The following CYP19A1 variants were observed in gnomAD, a reference collection of about 807,000 sequenced individuals.
CYP19A1 encodes the protein aromatase.
Under a neutral mutation model 44.4 loss-of-function variants are expected in CYP19A1, and 32 were observed. That is an observed-to-expected ratio of 0.72 (90% confidence interval 0.54 to 0.97). The LOEUF is 0.97. CYP19A1 is among the 50% of genes least tolerant of loss of function. The pLI, the probability that CYP19A1 is intolerant of heterozygous loss-of-function variation, is 0.00. For synonymous variants in CYP19A1, 212 were observed against 215.6 expected (o/e 0.98, Z 0.14); for missense variants, 598 against 637.8 (o/e 0.94, Z 0.67).
chr15:51,294,496 G>A (rs1291263155), intron 1 of CYP19A1, among the ~76,000 whole-genome samples: 101 of 150,498 alleles, frequency 6.7e-4, no homozygotes, highest in Non-Finnish European at 1.2e-3. Context: ...CGTCTGAGAA[G>A]TGAGGAGCCC....
At chr15:51,283,558 G>T (rs1489435607) in intron 1 of CYP19A1, among the ~76,000 whole-genome samples, 1 of 152,184 alleles carries the variant, frequency 6.6e-6, no homozygotes. Flanking sequence ...TCAGGCTATG[G>T]CTGGATTAAG....
At chr15:51,325,283 C>T (rs1335524377) in intron 1 of CYP19A1, among the ~76,000 whole-genome samples, 1 of 152,132 alleles carries the variant, frequency 6.6e-6, no homozygotes, top group Non-Finnish European at 1.5e-5. Context: ...GACAGATGTC[C>T]TGTGGGTGTT....
chr15:51,291,885 A>C (rs1029535303), intron 1 of CYP19A1, among the ~76,000 whole-genome samples: 12 of 152,344 alleles, frequency 7.9e-5, no homozygotes, highest in African/African-American at 2.6e-4. Context: ...ATTTCACTGG[A>C]GTCCAAGGAA....
chr15:51,259,440 C>T (rs192375751), intron 1 of CYP19A1, among the ~76,000 whole-genome samples: 8 of 152,268 alleles, frequency 5.3e-5, no homozygotes, highest in Admixed American at 3.3e-4. Flanking sequence ...GGGAGTGAAT[C>T]GGACACTGCA....
chr15:51,311,787 C>T (rs182217715), intron 1 of CYP19A1, among the ~76,000 whole-genome samples: 6 of 152,314 alleles, frequency 3.9e-5, no homozygotes, highest in African/African-American at 1.4e-4. Context: ...AGTCAGACCT[C>T]TGGGGATTTT....
chr15:51,261,987 C>T lies in CYP19A1; in HGVS notation c.-38-19037G>A, dbSNP rs369748039. ...GCCCCCAAATCTGGCCATAAACTGG[C>T]CCCAAAACTGGCCATAAACAAAATC... is the stretch of plus-strand genomic sequence containing the variant. On this transcript the variant is annotated intron_variant, in intron 1 of 9. Transcript: ENST00000396402. Among the ~76,000 whole-genome samples the T allele has an allele frequency of 2.5e-4, 38 of 152,296 alleles. 1 individual carries two copies. The South Asian group carries it at 7.7e-3, about 31-fold the overall frequency.
At chr15:51,231,138 C>T (rs2032997217) in intron 3 of CYP19A1, among the ~76,000 whole-genome samples, 1 of 152,210 alleles carries the variant, frequency 6.6e-6, no homozygotes. Context: ...ACCTGTTACT[C>T]ATCTTCTGAT....
At position 51,210,175 on chromosome 15, in the gene CYP19A1, GACT is replaced by G. The variant is rs763166409; in HGVS notation, c.*630_*632del. ...CAAGTGGCTGAGGCATAAATCGACA[GACT>G]GGGAAAGAATTTCCTCTGATTAAAC... On this transcript the variant is annotated 3_prime_UTR_variant, in exon 10 of 10. Coordinates refer to ENST00000396402, the MANE Select transcript of CYP19A1 (RefSeq NM_000103.4). 4 of 359,348 alleles carry G rather than the reference GACT, an allele frequency of 1.1e-5. No individual in the cohort carries two copies. The highest frequency in any genetic ancestry group is 2.2e-5 in the Non-Finnish European group (4 of 183,154). The allele number at this position is 359,348 out of a possible 1,614,324, so 22.3% of individuals were successfully genotyped here.
chr15:51,321,049 C>A (rs1179927597), intron 1 of CYP19A1: 2 of 152,328 alleles, frequency 1.3e-5, no homozygotes, highest in Non-Finnish European at 2.9e-5. Context: ...GGTGGGTTCT[C>A]TCCACCCTGT....
chr15:51,321,680 C>T (rs755383079), intron 1 of CYP19A1: 2 of 152,328 alleles, frequency 1.3e-5, no homozygotes, highest in Admixed American at 1.3e-4. Flanking sequence ...TCAAACATTT[C>T]CATTGCTACA....
chr15:51,242,099 C>T (rs28591277), intron 2 of CYP19A1: 2,534 of 153,966 alleles, frequency 0.016, 97 homozygotes, highest in African/African-American at 0.059. Context: ...TTGGGATTAT[C>T]TGAATAATTA....
chr15:51,214,963 C>T lies in CYP19A1; in HGVS notation c.1021+107G>A, dbSNP rs534823738. The stretch of plus-strand genomic sequence containing the variant: ...GAATGTCTTGCTTTATTGTTTGGAG[C>T]AAATTATAAAAAATTTCATGTTTGA... On this transcript the variant is annotated intron_variant, in intron 8 of 9. Coordinates refer to ENST00000396402, the MANE Select transcript of CYP19A1 (RefSeq NM_000103.4). The T allele has an allele frequency of 2.9e-5, 44 of 1,507,756 alleles. No individual in the cohort carries two copies. The Admixed American group carries it at 9.3e-4, about 32-fold the overall frequency. The allele number at this position is 1,507,756 out of a possible 1,614,324, so 93.4% of individuals were successfully genotyped here. A position where few individuals can be genotyped will look rare whatever the true frequency, so the allele number is the denominator to read the frequency against.
At chr15:51,261,023 G>A (rs112158795) in intron 1 of CYP19A1, among the ~76,000 whole-genome samples, 18 of 152,108 alleles carry the variant, frequency 1.2e-4, no homozygotes, top group African/African-American at 2.2e-4. Flanking sequence ...CCACCTCTCC[G>A]GATCCAGCAG....
chr15:51,273,293 G>A (rs1304995583), intron 1 of CYP19A1, among the ~76,000 whole-genome samples: 1 of 152,104 alleles, frequency 6.6e-6, no homozygotes, highest in Non-Finnish European at 1.5e-5. Flanking sequence ...ATGATCAATA[G>A]GCAGAATAGT....
chr15:51,305,698 C>G (rs938906797), intron 1 of CYP19A1, among the ~76,000 whole-genome samples: 1 of 152,066 alleles, frequency 6.6e-6, no homozygotes, highest in Non-Finnish European at 1.5e-5. Context: ...GTAGCTGGAA[C>G]TACAGGCATG....
In CYP19A1 at chr15:51,215,183, A is replaced by G; in HGVS notation, c.908T>C (p.Met303Thr). ...RENVNQCILEMLIAAPDTMSV... is the reference protein window; with the variant it reads ...RENVNQCILETLIAAPDTMSV... ...CATGGTGTCAGGAGCTGCGATCAGC[A>G]TTTCCAATATGCACTGGTTCACATT... Residue 303 changes from methionine to threonine, a missense_variant, in exon 8 of 10, where the codon ATG becomes ACG. Transcript: ENST00000396402. The G allele has an allele frequency of 1.2e-6, 2 of 1,614,120 alleles. No homozygotes were observed. The highest frequency in any genetic ancestry group is 2.2e-5 in the South Asian group (2 of 91,080).
chr15:51,240,868 A>G (rs1706833384), intron 2 of CYP19A1, among the ~76,000 whole-genome samples: 1 of 152,142 alleles, frequency 6.6e-6, no homozygotes, highest in African/African-American at 2.4e-5. Flanking sequence ...TTTGAACTCC[A>G]TGGCTTCTCA....
intron 1 of CYP19A1, among the ~76,000 whole-genome samples, chr15:51,336,923 T>TTAAC (rs2036786286): frequency 6.6e-6 from 1 of 151,880 alleles, no homozygotes; most frequent in African/African-American, 2.4e-5. Flanking sequence ...TTTTTTTTTT[T>TTAAC]AATAATAAGT....
chr15:51,213,653 CT>C (rs1479696470), intron 8 of CYP19A1, among the ~76,000 whole-genome samples: 2 of 152,192 alleles, frequency 1.3e-5, no homozygotes, highest in Admixed American at 1.3e-4. Context: ...GGCTCTGCTG[CT>C]TTTCCATCTT....
Sources: allele counts gnomAD v4.1 joint callset (sites outside exome capture counted in the v4.1 genomes callset), GRCh38; gene constraint gnomAD v4.1.1; transcripts MANE v1.5; gene names NCBI Gene and HGNC (gene_info 2026-07-23, HGNC 2026-07-21).